Variants in SEPTIN1 observed in about 807,000 individuals in gnomAD.
SEPTIN1 encodes septin-1.
A neutral mutation model predicts 50.7 loss-of-function variants in SEPTIN1; 52 were observed. The ratio of observed to expected loss-of-function variants is 1.03; its 90% CI spans 0.82 to 1.29. SEPTIN1 has a LOEUF of 1.29. Ranked by LOEUF, SEPTIN1 falls within the 50% of genes most tolerant of loss-of-function variation. The probability of loss-of-function intolerance (pLI) is 0.00; values close to 1 mark genes in which losing one functional copy is unlikely to be tolerated. For synonymous variants in SEPTIN1, 204 were observed against 189.1 expected (o/e 1.08, Z -0.65); for missense variants, 455 against 490.7 (o/e 0.93, Z 0.69).
In SEPTIN1 at chr16:30,381,138, G is replaced by A; in HGVS notation, c.562C>T (p.Leu188Phe). The change falls in exon 6 of 11, where the codon CTC (leucine) becomes TTC (phenylalanine). Residue 188 changes from leucine (L) to phenylalanine (F), a missense_variant. Transcript: ENST00000321367. This position sits in a 1 kb window ranked among gnomAD's most constrained non-coding sequence, Gnocchi z 4.3. Reference protein sequence around the residue: ...DALMPQETQALKQKIRDQLKE... With the variant: ...DALMPQETQAFKQKIRDQLKE... ...GTCATCACTCACACCTTCTGCTTGA[G>A]GGCCTGGGTTTCCTGGGGCATCAGA... is the stretch of plus-strand genomic sequence containing the variant. The A allele has an allele frequency of 6.2e-7, 1 of 1,613,644 alleles. No individual in the cohort carries two copies. The highest frequency in any genetic ancestry group is 8.5e-7 in the Non-Finnish European group (1 of 1,179,560).
Position 30,381,649 on chromosome 16 carries a change from G to A in SEPTIN1, c.320+111C>T. ...AAGCACAGGGACCCAGTGGCCCTCTGAAACAGACACCACCTTTTGAGATAG... is the reference window on the plus strand; with the variant it reads ...AAGCACAGGGACCCAGTGGCCCTCTAAAACAGACACCACCTTTTGAGATAG... On this transcript the variant is annotated intron_variant, in intron 4 of 10. Coordinates refer to ENST00000321367, the MANE Select transcript of SEPTIN1 (RefSeq NM_001365977.2). This position sits in a 1 kb window ranked among gnomAD's most constrained non-coding sequence, Gnocchi z 4.3. The A allele has an allele frequency of 6.5e-7, 1 of 1,534,970 alleles. No homozygotes were observed.
chr16:30,378,920 G>C lies in SEPTIN1; in HGVS notation c.941+98C>G, dbSNP rs1010123741. On this transcript the variant is annotated intron_variant, in intron 9 of 10. Coordinates refer to ENST00000321367, the MANE Select transcript of SEPTIN1 (RefSeq NM_001365977.2). Reference sequence around the variant, plus strand: ...GGAGGGAGAGAGAAGTCTGAGTGGTGAAGGCGGAGTCACGGGTGGTGGGGA... The same window carrying C: ...GGAGGGAGAGAGAAGTCTGAGTGGTCAAGGCGGAGTCACGGGTGGTGGGGA... The C allele has an allele frequency of 8.0e-6, 10 of 1,251,840 alleles. No individual in the cohort carries two copies. In the East Asian group the frequency reaches 2.3e-4, roughly 29 times the overall value. The allele number at this position is 1,251,840 out of a possible 1,614,324, so 77.5% of individuals were successfully genotyped here.
Position 30,379,191 on chromosome 16 carries a change from G to A in SEPTIN1, c.776-8C>T, listed in dbSNP as rs113348440. 5.6e-4 allele frequency: 904 copies of A among 1,613,720 alleles called. 6 individuals are homozygous for A. The African/African-American group carries it at 0.011, about 19-fold the overall frequency. ...AGTGATGTGGGTTCTCCACTGGAGG[G>A]GGGGCGGCGCGGACCAGCGAACGTC... is the stretch of plus-strand genomic sequence containing the variant. On this transcript the variant is annotated splice_region_variant and splice_polypyrimidine_tract_variant and intron_variant, in intron 8 of 10. Transcript: ENST00000321367.
Position 30,378,319 on chromosome 16 carries a change from G to T in SEPTIN1, c.*115C>A, listed in dbSNP as rs1469211882. The T allele has an allele frequency of 6.8e-6, 7 of 1,036,690 alleles. No individual in the cohort carries two copies. The highest frequency in any genetic ancestry group is 5.8e-5 in the Admixed American group (2 of 34,190). 64.2% of individuals were successfully genotyped at this position (1,036,690 alleles called of 1,614,324 possible). On this transcript the variant is annotated 3_prime_UTR_variant, in exon 11 of 11. Coordinates refer to ENST00000321367, the MANE Select transcript of SEPTIN1 (RefSeq NM_001365977.2). ...GGCTGGGAGAACCTCCCCCTAGCCC[G>T]CGCGAGGGCGGCACCCGCGGAGGTC...
In SEPTIN1 at chr16:30,379,451, G is replaced by A. The variant is rs772524373; in HGVS notation, c.759C>T (p.Ser253=). 5.6e-6 allele frequency: 9 copies of A among 1,613,752 alleles called. No homozygotes were observed. The highest frequency in any genetic ancestry group is 7.6e-6 in the Non-Finnish European group (9 of 1,179,934). Residue 253 remains serine, a synonymous_variant, in exon 8 of 11, where the codon TCC becomes TCT. Transcript: ENST00000321367. ...GNRPVRGRRY[S]WGTVEVENPH... ...CTCACTCACCCTCCACGGTCCCCCA[G>A]GAGTAGCGGCGTCCCCTCACCGGCC...
Position 30,378,203 on chromosome 16 carries a change from T to A in SEPTIN1, c.*231A>T. 1.4e-6 allele frequency: 1 copy of A among 692,814 alleles called. No individual in the cohort carries two copies. The allele number at this position is 692,814 out of a possible 1,614,324, so 42.9% of individuals were successfully genotyped here. On this transcript the variant is annotated 3_prime_UTR_variant, in exon 11 of 11. Transcript: ENST00000321367. The stretch of plus-strand genomic sequence containing the variant: ...GAAGAAGGGGGACTCCGGAAGACAG[T>A]GATGCGGTCGGAGATTGTGCAGGCC...
intron 8 of SEPTIN1, 30 bp from the exon 9 acceptor site, chr16:30,379,213 C>T (rs1364876162): frequency 1.2e-6 from 2 of 1,611,876 alleles, no homozygotes; most frequent in Admixed American, 1.7e-5. Flanking sequence ...GACCAGCGAA[C>T]GTCAGGGAGT....
At position 30,381,942 on chromosome 16, in the gene SEPTIN1, T is replaced by C. The variant is rs1218347186; in HGVS notation, c.197-59A>G. The C allele has an allele frequency of 1.2e-6, 2 of 1,609,596 alleles. No homozygotes were observed. The highest frequency in any genetic ancestry group is 1.7e-6 in the Non-Finnish European group (2 of 1,177,850). ...AGGCTCTGAGGCAGAATTAATTTCCTTTGTCAATATCACAGTTGCCTGCAC... is the reference window on the plus strand; with the variant it reads ...AGGCTCTGAGGCAGAATTAATTTCCCTTGTCAATATCACAGTTGCCTGCAC... On this transcript the variant is annotated intron_variant, in intron 3 of 10. Coordinates refer to ENST00000321367, the MANE Select transcript of SEPTIN1 (RefSeq NM_001365977.2). The surrounding 1 kb of genome is among the most constrained non-coding windows in gnomAD (Gnocchi z 4.3).
chr16:30,379,235 C>T (rs1200477231), intron 8 of SEPTIN1, 52 bp from the exon 9 acceptor site: 1 of 1,604,636 alleles, frequency 6.2e-7, no homozygotes, highest in South Asian at 1.1e-5. Context: ...TCGGGTCCAA[C>T]CCACCCGTAA....
chr16:30,378,656 A>G lies in SEPTIN1; in HGVS notation c.986T>C (p.Leu329Pro), dbSNP rs765670566. 5 of 1,608,328 alleles carry G rather than the reference A, an allele frequency of 3.1e-6. No individual in the cohort carries two copies. The African/African-American group carries it at 4.0e-5, about 13-fold the overall frequency. ...CAGCTTCTCGGTGTCCGCCAGAGGCAGCATGGGCAGCGGGATCTCTGTGGC... is the reference window on the plus strand; with the variant it reads ...CAGCTTCTCGGTGTCCGCCAGAGGCGGCATGGGCAGCGGGATCTCTGTGGC... ...QSATEIPLPM[L>P]PLADTEKLIR... Residue 329 changes from leucine (L) to proline (P), a missense_variant, in exon 10 of 11, where the codon CTG (leucine) becomes CCG (proline). Transcript: ENST00000321367.
chr16:30,379,228 G>C, intron 8 of SEPTIN1, 45 bp from the exon 9 acceptor site: 1 of 1,608,252 alleles, frequency 6.2e-7, no homozygotes, highest in Non-Finnish European at 8.5e-7. Context: ...GGGAGTTTCG[G>C]GTCCAACCCA....
chr16:30,382,286 A>C lies in SEPTIN1; in HGVS notation c.98T>G (p.Leu33Arg). 1.9e-6 allele frequency: 3 copies of C among 1,613,766 alleles called. No homozygotes were observed. Among genetic ancestry groups the C allele is most frequent in the Non-Finnish European group, 2.5e-6 (3 of 1,179,782 alleles). The change falls in exon 2 of 11, where the codon CTA becomes CGA. Residue 33 changes from leucine (L) to arginine (R), a missense_variant. Physicochemically the swap from Leu to Arg is moderately radical, Grantham distance 102. Transcript: ENST00000321367. The surrounding 1 kb of genome is among the most constrained non-coding windows in gnomAD (Gnocchi z 4.8). The part of the protein sequence containing the change: ...KSVKKGFDFT[L>R]MVAGESGLGK... Reference sequence around the variant, plus strand: ...CAAAACCCCCAGACCTGCCACCATTAGCGTGAAGTCAAACCCCTTCTTGAC... The same window carrying C: ...CAAAACCCCCAGACCTGCCACCATTCGCGTGAAGTCAAACCCCTTCTTGAC...
rs772784242 is a variant in SEPTIN1, at chr16:30,381,241, G to A, written c.459C>T (p.Leu153=). The part of the protein sequence containing the change: ...LYFISPFGRG[L]RPLDVAFLRA... ...GGAGGAAGGCCACATCTAGGGGCCG[G>A]AGCCTGCACCCAGGGATTGGTCATT... The change falls in exon 6 of 11, where the codon CTC becomes CTT. Residue 153 remains leucine, a synonymous_variant. Coordinates refer to ENST00000321367, the MANE Select transcript of SEPTIN1 (RefSeq NM_001365977.2). The surrounding 1 kb of genome is among the most constrained non-coding windows in gnomAD (Gnocchi z 4.3). 2 of 1,614,042 alleles carry A rather than the reference G, an allele frequency of 1.2e-6. No individual in the cohort carries two copies. Among genetic ancestry groups the A allele is most frequent in the South Asian group, 1.1e-5 (1 of 91,084 alleles).
In SEPTIN1 at chr16:30,382,321, G is replaced by A. The variant is rs748260170; in HGVS notation, c.63C>T (p.His21=). 1 of 1,613,862 alleles carries A rather than the reference G, an allele frequency of 6.2e-7. No homozygotes were observed. The highest frequency in any genetic ancestry group is 1.7e-5 in the Admixed American group (1 of 59,994). Residue 21 remains histidine (H), a synonymous_variant, in exon 2 of 11, where the codon CAC becomes CAT. Transcript: ENST00000321367. This position sits in a 1 kb window ranked among gnomAD's most constrained non-coding sequence, Gnocchi z 4.8. ...VGFAALPNQL[H]RKSVKKGFDF... ...CAAACCCCTTCTTGACAGACTTGCG[G>A]TGCAGCTGGTTGGGGAGGGCAGCAA... is the stretch of plus-strand genomic sequence containing the variant.
Position 30,379,051 on chromosome 16 carries a change from G to T in SEPTIN1, c.908C>A (p.Ala303Asp). The stretch of plus-strand genomic sequence containing the variant: ...GGCTCGATCGCGAGCCCCAGGCCGG[G>T]CCAGGCTCTGTAGGCAGCGGGCCCG... ...GYRARCLQSL[A>D]RPGARDRASR... The change falls in exon 9 of 11, where the codon GCC becomes GAC. Residue 303 changes from alanine to aspartate, a missense_variant. Physicochemically the swap from Ala to Asp is moderately radical, Grantham distance 126. Transcript: ENST00000321367. 6.2e-7 allele frequency: 1 copy of T among 1,613,796 alleles called. No individual in the cohort carries two copies.
At position 30,382,130 on chromosome 16, in the gene SEPTIN1, G is replaced by C; in HGVS notation, c.159C>G (p.Thr53=). The C allele has an allele frequency of 6.3e-7, 1 of 1,590,732 alleles. No homozygotes were observed. The highest frequency in any genetic ancestry group is 8.6e-7 in the Non-Finnish European group (1 of 1,168,348). Residue 53 remains threonine, a synonymous_variant, in exon 3 of 11, where the codon ACC becomes ACG. Coordinates refer to ENST00000321367, the MANE Select transcript of SEPTIN1 (RefSeq NM_001365977.2). The surrounding 1 kb of genome is among the most constrained non-coding windows in gnomAD (Gnocchi z 4.8). ...KSTLINSLFL[T]NLYEDRQVPE... ...GCACCTGGCGATCCTCATAGAGGTT[G>C]GTGAGGAAGAGGCTGTTGATGAGGG...
chr16:30,379,281 A>G, intron 8 of SEPTIN1, 98 bp from the exon 9 acceptor site: 1 of 1,522,828 alleles, frequency 6.6e-7, no homozygotes, highest in Non-Finnish European at 9.0e-7. Context: ...CTGCCACTCT[A>G]GCGGAGGGTC....
At position 30,378,472 on chromosome 16, in the gene SEPTIN1, G is replaced by A. The variant is rs893632442; in HGVS notation, c.1081C>T (p.Gln361Ter). The A allele has an allele frequency of 8.9e-6, 14 of 1,576,448 alleles. No homozygotes were observed. Among genetic ancestry groups the A allele is most frequent in the Non-Finnish European group, 1.2e-5 (14 of 1,163,840 alleles). ...MLEKMQAQMQ[Q>*]SQAQGEQSDA... ...GACTGCTCGCCCTGGGCCTGGCTCTGCTGCATTTGGGCCTGCATCTTCTCC... is the reference window on the plus strand; with the variant it reads ...GACTGCTCGCCCTGGGCCTGGCTCTACTGCATTTGGGCCTGCATCTTCTCC... The change falls in exon 11 of 11, where the codon CAG (glutamine) becomes TAG (stop). Residue 361 changes from glutamine (Q) to a stop codon, truncating the protein, a stop_gained. Coordinates refer to ENST00000321367, the MANE Select transcript of SEPTIN1 (RefSeq NM_001365977.2). LOFTEE classifies it high-confidence loss of function.
In SEPTIN1 at chr16:30,378,607, C is replaced by A; in HGVS notation, c.1032+3G>T. 6.2e-7 allele frequency: 1 copy of A among 1,611,498 alleles called. No individual in the cohort carries two copies. On this transcript the variant is annotated splice_donor_region_variant and intron_variant, in intron 10 of 10. Coordinates refer to ENST00000321367, the MANE Select transcript of SEPTIN1 (RefSeq NM_001365977.2). Reference sequence around the variant, plus strand: ...GTCGGGGGGAAGCGAGGTGCGTGCTCACCTCTTCGTCTTTCTCGCGGATCA... The same window carrying A: ...GTCGGGGGGAAGCGAGGTGCGTGCTAACCTCTTCGTCTTTCTCGCGGATCA...
Sources: gnomAD v4.1 joint callset for allele counts on GRCh38, gnomAD v4.1.1 for gene constraint, Gnocchi (gnomAD v3.1) non-coding constraint, MANE v1.5 for transcripts, NCBI Gene and HGNC (gene_info 2026-07-23, HGNC 2026-07-21) for gene names.